The following NLN variants were observed in gnomAD, a reference collection of about 807,000 sequenced individuals.
NLN encodes the protein neurolysin, mitochondrial.
In NLN, 64 loss-of-function variants were observed where a neutral mutation model predicts 79.9. The ratio of observed to expected loss-of-function variants is 0.80; its 90% confidence interval spans 0.65 to 0.99. The LOEUF is 0.99. Ranked by LOEUF, NLN falls within the 50% of genes least tolerant of loss-of-function variation. The pLI, the probability that NLN is intolerant of heterozygous loss-of-function variation, is 0.00. For missense variants in NLN, 835 were observed against 858.7 expected (o/e 0.97, Z 0.34); for synonymous variants, 267 against 296.6 (o/e 0.90, Z 1.02).
At chr5:65,740,312 A>G (rs1047091874) in intron 1 of NLN, among the ~76,000 whole-genome samples, 48 of 152,116 alleles carry the variant, frequency 3.2e-4, no homozygotes, top group African/African-American at 9.2e-4. Context: ...ACTGGCTCCT[A>G]TGACAGATCT....
At chr5:65,759,946 C>T (rs985608688) in intron 2 of NLN, among the ~76,000 whole-genome samples, 4 of 151,834 alleles carry the variant, frequency 2.6e-5, no homozygotes, top group African/African-American at 9.7e-5. Context: ...GTGAAGATTC[C>T]CTTTGGTTAC....
intron 12 of NLN, among the ~76,000 whole-genome samples, chr5:65,821,801 A>C (rs1760805660): frequency 6.6e-6 from 1 of 152,224 alleles, no homozygotes; most frequent in Non-Finnish European, 1.5e-5. Flanking sequence ...GCCCTAGGAC[A>C]TAAATCATTT....
chr5:65,722,271 C>A lies in NLN; in HGVS notation c.-103C>A. The A allele has an allele frequency of 2.3e-6, 2 of 876,454 alleles. No homozygotes were observed. Among genetic ancestry groups the A allele is most frequent in the Non-Finnish European group, 3.3e-6 (2 of 607,264 alleles). The allele number at this position is 876,454 out of a possible 1,614,324, so 54.3% of individuals were successfully genotyped here. ...CAGGCAGCCACTGTGGCCTCTGCGG[C>A]TAGGCCGGCTCGAGACTCCCGGGCG... On this transcript the variant is annotated 5_prime_UTR_variant, in exon 1 of 13. Coordinates refer to ENST00000380985, the MANE Select transcript of NLN (RefSeq NM_020726.5).
At chr5:65,782,234 G>C (rs1759816496) in intron 6 of NLN, among the ~76,000 whole-genome samples, 1 of 152,150 alleles carries the variant, frequency 6.6e-6, no homozygotes, top group Admixed American at 6.6e-5. Flanking sequence ...ACAGGGAATT[G>C]TTTTTGTCCA....
At chr5:65,805,808 C>T (rs535971541) in intron 9 of NLN, among the ~76,000 whole-genome samples, 19 of 152,298 alleles carry the variant, frequency 1.2e-4, no homozygotes, top group South Asian at 6.2e-4. Flanking sequence ...TAGAAGATGC[C>T]GTCTAGGACT....
Position 65,823,216 on chromosome 5 carries a change from A to G in NLN, c.*301A>G, listed in dbSNP as rs1390676898. On this transcript the variant is annotated 3_prime_UTR_variant, in exon 13 of 13. Coordinates refer to ENST00000380985, the MANE Select transcript of NLN (RefSeq NM_020726.5). ...TTACTATTATAATCTAGATAATATG[A>G]TATAAGAGGGCTAAGAATTTTTAAA... 4.3e-6 allele frequency: 1 copy of G among 231,590 alleles called. No individual in the cohort carries two copies. Among genetic ancestry groups the G allele is most frequent in the Non-Finnish European group, 8.4e-6 (1 of 118,598 alleles). The allele number at this position is 231,590 out of a possible 1,614,324, so 14.3% of individuals were successfully genotyped here. A position where few individuals can be genotyped will look rare whatever the true frequency, so the allele number is the denominator to read the frequency against.
At chr5:65,772,511 T>C (rs1440090495) in intron 3 of NLN, among the ~76,000 whole-genome samples, 1 of 152,094 alleles carries the variant, frequency 6.6e-6, no homozygotes, top group African/African-American at 2.4e-5. Flanking sequence ...AGCCCAGGAG[T>C]GCAGACAACT....
chr5:65,747,174 A>G (rs1418956327), intron 1 of NLN, among the ~76,000 whole-genome samples: 1 of 152,070 alleles, frequency 6.6e-6, no homozygotes. Flanking sequence ...AGATGCAGCT[A>G]TGTTCGTAGG....
At chr5:65,753,240 TAACA>T (rs1243278202) in intron 1 of NLN, among the ~76,000 whole-genome samples, 2 of 152,148 alleles carry the variant, frequency 1.3e-5, no homozygotes, top group African/African-American at 4.8e-5. Context: ...AAATAAGACT[TAACA>T]AACAATCAGA....
intron 4 of NLN, among the ~76,000 whole-genome samples, chr5:65,778,523 G>A (rs1176239864): frequency 6.6e-6 from 1 of 152,114 alleles, no homozygotes; most frequent in Non-Finnish European, 1.5e-5. Flanking sequence ...TCACTTACCT[G>A]ACCCTTTGTC....
Position 65,809,470 on chromosome 5 carries a change from C to T in NLN, c.1528-45C>T, listed in dbSNP as rs775796377. On this transcript the variant is annotated intron_variant, in intron 9 of 12. Transcript: ENST00000380985. ...TTAATAATTATTCATTGCATATGTA[C>T]TTTCATTGAGTTCTTTAAAAAAATT... 3.3e-6 allele frequency: 5 copies of T among 1,504,426 alleles called. No individual in the cohort carries two copies. In the Admixed American group the frequency reaches 1.0e-4, roughly 31 times the overall value. The allele number at this position is 1,504,426 out of a possible 1,614,324, so 93.2% of individuals were successfully genotyped here.
intron 9 of NLN, among the ~76,000 whole-genome samples, chr5:65,797,028 T>C (rs1180685382): frequency 6.6e-6 from 1 of 152,242 alleles, no homozygotes; most frequent in Non-Finnish European, 1.5e-5. Flanking sequence ...GTCTGCTATC[T>C]CTTCATTCAG....
chr5:65,746,767 G>A (rs1758988553), intron 1 of NLN, among the ~76,000 whole-genome samples: 1 of 152,212 alleles, frequency 6.6e-6, no homozygotes, highest in South Asian at 2.1e-4. Flanking sequence ...CACTTTGGGA[G>A]GCCGAGGCAG....
rs553927840 is a variant in NLN, at chr5:65,732,477, C to T, written c.41+10063C>T. ...CCTGTGCGTTTCACAGTAGAAGCTC[C>T]GTCCTCACAGCTTAGTAAACACCAA... On this transcript the variant is annotated intron_variant, in intron 1 of 12. Transcript: ENST00000380985. 4.9e-5 allele frequency among the ~76,000 whole-genome samples: 7 copies of T among 142,222 alleles called. No homozygotes were observed. In the South Asian group the frequency reaches 1.5e-3, roughly 31 times the overall value. 93.3% of individuals were successfully genotyped at this position (142,222 alleles called of 152,430 possible).
chr5:65,765,565 T>G (rs1236318998), intron 3 of NLN, among the ~76,000 whole-genome samples: 2 of 151,808 alleles, frequency 1.3e-5, no homozygotes, highest in African/African-American at 4.8e-5. Context: ...AAAAATTAGC[T>G]GAGCATGGTG....
chr5:65,828,315 T>C lies in NLN; in HGVS notation c.*5400T>C, dbSNP rs1348602537. On this transcript the variant is annotated 3_prime_UTR_variant, in exon 13 of 13. Coordinates refer to ENST00000380985, the MANE Select transcript of NLN (RefSeq NM_020726.5). ...GACTCCAGTGTAAGATCAATTACTG[T>C]TGGAATATTGTGTTCCTTTCTAGAT... is the stretch of plus-strand genomic sequence containing the variant. The C allele has an allele frequency of 1.3e-5, 2 of 152,226 alleles. 1 individual carries two copies. Among genetic ancestry groups the C allele is most frequent in the South Asian group, 4.1e-4 (2 of 4,830 alleles). The allele number at this position is 152,226 out of a possible 1,614,324, so 9.4% of individuals were successfully genotyped here. A position where few individuals can be genotyped will look rare whatever the true frequency, so the allele number is the denominator to read the frequency against.
At chr5:65,763,604 A>G (rs576540376) in intron 3 of NLN, among the ~76,000 whole-genome samples, 1 of 152,132 alleles carries the variant, frequency 6.6e-6, no homozygotes, top group Admixed American at 6.5e-5. Flanking sequence ...TCTTTTTACC[A>G]ATGTTGATTT....
At position 65,829,198 on chromosome 5, in the gene NLN, T is replaced by C. The variant is rs1240770343; in HGVS notation, c.*6283T>C. 2 of 152,240 alleles carry C rather than the reference T, an allele frequency of 1.3e-5. No homozygotes were observed. Among genetic ancestry groups the C allele is most frequent in the Non-Finnish European group, 2.9e-5 (2 of 68,066 alleles). 9.4% of individuals were successfully genotyped at this position (152,240 alleles called of 1,614,324 possible). ...CATATTGTGATCTCTTCGAGGCTTGTTTCTGTCCCCTGTCCTCCACAGTCC... is the reference window on the plus strand; with the variant it reads ...CATATTGTGATCTCTTCGAGGCTTGCTTCTGTCCCCTGTCCTCCACAGTCC... On this transcript the variant is annotated 3_prime_UTR_variant, in exon 13 of 13. Transcript: ENST00000380985.
At chr5:65,738,991 T>TAC (rs1413154210) in intron 1 of NLN, among the ~76,000 whole-genome samples, 1 of 135,648 alleles carries the variant, frequency 7.4e-6, no homozygotes, top group African/African-American at 3.0e-5. Flanking sequence ...TATATATTTA[T>TAC]ATATATTTTA....
Sources: gnomAD v4.1 joint callset for allele counts (sites outside exome capture counted in the v4.1 genomes callset) on GRCh38, gnomAD v4.1.1 for gene constraint, MANE v1.5 for transcripts, NCBI Gene and HGNC (gene_info 2026-07-23, HGNC 2026-07-21) for gene names.